TBR1: variants seen among roughly 807,000 people sequenced by gnomAD.
TBR1 encodes T-box brain transcription factor 1, also known as T-box brain protein 1.
In TBR1, 7 loss-of-function variants were observed where a neutral mutation model predicts 60.3. That is an observed-to-expected ratio of 0.12 (90% confidence interval 0.07 to 0.22). The LOEUF is 0.22. Among genes scored for constraint, TBR1 ranks in the 10% least tolerant of loss-of-function variants. The pLI is 1.00. For synonymous variants in TBR1, 417 were observed against 409.9 expected (o/e 1.02, Z -0.21); for missense variants, 616 against 936.8 (o/e 0.66, Z 4.47).
chr2:161,419,345 A>G (rs1684187701), intron 4 of TBR1: 2 of 278,340 alleles, frequency 7.2e-6, no homozygotes, highest in Non-Finnish European at 1.3e-5. Context: ...TGGGCTTTGA[A>G]CTAGAACAGA....
Position 161,423,513 on chromosome 2 carries a change from C to A in TBR1, c.1335C>A (p.Phe445Leu). 1 of 1,588,738 alleles carries A rather than the reference C, an allele frequency of 6.3e-7. No homozygotes were observed. The stretch of plus-strand genomic sequence containing the variant: ...TGAGCAACTACGCCAAGGCCCGCTT[C>A]CACCCGGGCGCGGGCGCGGGCCCCG... ...QFVSNYAKAR[F>L]HPGAGAGPGP... is the part of the protein sequence containing the mutation. The change falls in exon 6 of 6, where the codon TTC (phenylalanine) becomes TTA (leucine). Residue 445 changes from phenylalanine (F) to leucine (L), a missense_variant. Transcript: ENST00000389554.
At chr2:161,420,419 T>A in intron 5 of TBR1, 162 bp downstream of exon 5, 6 of 73,070 alleles carry the variant, frequency 8.2e-5, no homozygotes, top group East Asian at 6.8e-4. Flanking sequence ...CTTCCTCTTC[T>A]TTTTTTTTTT....
rs1684129134 is a variant in TBR1, at chr2:161,416,743, C to T, written c.333C>T (p.Ser111=). ...ATCGCTACCTCCTCTCTCAGTCCAG[C>T]CAGCCACAGTCTGCGGCCACTGCTC... is the stretch of plus-strand genomic sequence containing the variant. ...AADRYLLSQS[S]QPQSAATAPS... The change falls in exon 1 of 6, where the codon AGC becomes AGT. Residue 111 remains serine (S), a synonymous_variant. Transcript: ENST00000389554. The surrounding 1 kb of genome is among the most constrained non-coding windows in gnomAD (Gnocchi z 6.1). The T allele has an allele frequency of 6.2e-7, 1 of 1,614,160 alleles. No individual in the cohort carries two copies. Among genetic ancestry groups the T allele is most frequent in the Non-Finnish European group, 8.5e-7 (1 of 1,180,024 alleles).
chr2:161,418,118 G>C (rs1684163642), intron 2 of TBR1, 83 bp from the exon 3 acceptor site: 1 of 1,539,128 alleles, frequency 6.5e-7, no homozygotes, highest in Non-Finnish European at 8.7e-7. Context: ...GTGTGTGTGT[G>C]TGTGTGTGTG....
At position 161,423,647 on chromosome 2, in the gene TBR1, A is replaced by G. The variant is rs967651073; in HGVS notation, c.1469A>G (p.Asn490Ser). The G allele has an allele frequency of 5.8e-6, 9 of 1,542,218 alleles. No homozygotes were observed. The highest frequency in any genetic ancestry group is 7.8e-6 in the Non-Finnish European group (9 of 1,153,174). The change falls in exon 6 of 6, where the codon AAC (asparagine) becomes AGC (serine). Residue 490 changes from asparagine (N) to serine (S), a missense_variant. Physicochemically the swap from Asn to Ser is conservative, Grantham distance 46. Coordinates refer to ENST00000389554, the MANE Select transcript of TBR1 (RefSeq NM_006593.4). ...SPQRWFVTPA[N>S]NRLDFAASAY... ...CAACGCTGGTTTGTGACGCCGGCCA[A>G]CAACCGGCTGGACTTCGCGGCCTCG...
intron 5 of TBR1, 123 bp downstream of exon 5, chr2:161,420,380 C>A: frequency 2.5e-6 from 1 of 394,708 alleles, no homozygotes; most frequent in Non-Finnish European, 4.4e-6. Context: ...TTTTAGAGGA[C>A]TTCTTCTTCT....
chr2:161,416,312 T>G lies in TBR1; in HGVS notation c.-99T>G. 1 of 983,322 alleles carries G rather than the reference T, an allele frequency of 1.0e-6. No homozygotes were observed. The highest frequency in any genetic ancestry group is 1.5e-6 in the Non-Finnish European group (1 of 664,668). The allele number at this position is 983,322 out of a possible 1,614,324, so 60.9% of individuals were successfully genotyped here. A position where few individuals can be genotyped will look rare whatever the true frequency, so the allele number is the denominator to read the frequency against. On this transcript the variant is annotated 5_prime_UTR_variant, in exon 1 of 6. Transcript: ENST00000389554. This position sits in a 1 kb window ranked among gnomAD's most constrained non-coding sequence, Gnocchi z 6.1. Reference sequence around the variant, plus strand: ...TTTGAGAAGCATTTGCTGGTTGAAGTGCTTTCTGTCTAGTGAGGGGGTCTG... The same window carrying G: ...TTTGAGAAGCATTTGCTGGTTGAAGGGCTTTCTGTCTAGTGAGGGGGTCTG...
Position 161,418,979 on chromosome 2 carries a change from C to G in TBR1, c.1057C>G (p.Pro353Ala), listed in dbSNP as rs1462644743. 3.7e-6 allele frequency: 6 copies of G among 1,614,230 alleles called. No homozygotes were observed. The highest frequency in any genetic ancestry group is 5.1e-6 in the Non-Finnish European group (6 of 1,180,036). ...GGACGGCACGGAGGACACTAGCCAG[C>G]CCGGCCGCGTGCAGACGTTCACTTT... is the stretch of plus-strand genomic sequence containing the variant. ...NEDGTEDTSQ[P>A]GRVQTFTFPE... The change falls in exon 4 of 6, where the codon CCC (proline) becomes GCC (alanine). Residue 353 changes from proline to alanine, a missense_variant. Physicochemically the swap from Pro to Ala is conservative, Grantham distance 27. Around this residue, in one of 8 missense-constraint regions of TBR1, gnomAD observed 85 missense variants for 164.9 expected, o/e 0.52. Coordinates refer to ENST00000389554, the MANE Select transcript of TBR1 (RefSeq NM_006593.4).
chr2:161,422,523 G>T (rs1684248720), intron 5 of TBR1: 1 of 152,254 alleles, frequency 6.6e-6, no homozygotes, highest in African/African-American at 2.4e-5. Context: ...GTGGTCCATT[G>T]CATGGAGTAG....
chr2:161,418,357 C>A, intron 3 of TBR1, 35 bp downstream of exon 3: 1 of 1,601,794 alleles, frequency 6.2e-7, no homozygotes. Flanking sequence ...TTCTCTCTCT[C>A]TCACCCCTTC....
At position 161,417,155 on chromosome 2, in the gene TBR1, C is replaced by T; in HGVS notation, c.692+53C>T. The stretch of plus-strand genomic sequence containing the variant: ...CTCTAGGCGCAGCCGGGGACAAGTG[C>T]ACCTAGGCTGTGACTGCCGCGGCAG... On this transcript the variant is annotated intron_variant, in intron 1 of 5. Transcript: ENST00000389554. The surrounding 1 kb of genome is among the most constrained non-coding windows in gnomAD (Gnocchi z 5.3). 6.6e-7 allele frequency: 1 copy of T among 1,509,776 alleles called. No homozygotes were observed. Among genetic ancestry groups the T allele is most frequent in the Non-Finnish European group, 8.9e-7 (1 of 1,124,514 alleles). 93.5% of individuals were successfully genotyped at this position (1,509,776 alleles called of 1,614,324 possible).
Position 161,425,792 on chromosome 2 carries a change from C to T in TBR1, c.*1565C>T, listed in dbSNP as rs1248096936. ...TGAATAATTTATACAAGAACACACT[C>T]CATTGAGAAACGTTTTGTTTTTTGC... On this transcript the variant is annotated 3_prime_UTR_variant, in exon 6 of 6. Coordinates refer to ENST00000389554, the MANE Select transcript of TBR1 (RefSeq NM_006593.4). 1.3e-5 allele frequency: 2 copies of T among 152,154 alleles called. No individual in the cohort carries two copies. Among genetic ancestry groups the T allele is most frequent in the Non-Finnish European group, 2.9e-5 (2 of 68,040 alleles). 9.4% of individuals were successfully genotyped at this position (152,154 alleles called of 1,614,324 possible). A position where few individuals can be genotyped will look rare whatever the true frequency, so the allele number is the denominator to read the frequency against.
Position 161,417,026 on chromosome 2 carries a change from G to C in TBR1, c.616G>C (p.Val206Leu), listed in dbSNP as rs1316331942. 1 of 1,613,952 alleles carries C rather than the reference G, an allele frequency of 6.2e-7. No homozygotes were observed. The highest frequency in any genetic ancestry group is 1.1e-5 in the South Asian group (1 of 91,048). The change falls in exon 1 of 6, where the codon GTG (valine) becomes CTG (leucine). Residue 206 changes from valine to leucine, a missense_variant. Transcript: ENST00000389554. The surrounding 1 kb of genome is among the most constrained non-coding windows in gnomAD (Gnocchi z 5.3). ...QPGLVPGKAQ[V>L]YLCNRPLWLK... ...GGGGCTGGTGCCCGGCAAAGCACAGGTGTACCTGTGCAACAGGCCCCTTTG... is the reference window on the plus strand; with the variant it reads ...GGGGCTGGTGCCCGGCAAAGCACAGCTGTACCTGTGCAACAGGCCCCTTTG...
chr2:161,419,405 A>C (rs558137432), intron 4 of TBR1: 1 of 184,458 alleles, frequency 5.4e-6, no homozygotes, highest in South Asian at 1.3e-4. Flanking sequence ...GAAAACAAGC[A>C]GATTTCCCCG....
chr2:161,422,780 G>C (rs1000792087), intron 5 of TBR1: 1 of 152,210 alleles, frequency 6.6e-6, no homozygotes, highest in African/African-American at 2.4e-5. Context: ...TCCAGAACAC[G>C]GGTGAAGGCC....
chr2:161,420,418 CTTTTT>C (rs67826360), intron 5 of TBR1, 161 bp downstream of exon 5: 183 of 95,274 alleles, frequency 1.9e-3, no homozygotes, highest in South Asian at 6.0e-3. Flanking sequence ...TCTTCCTCTT[CTTTTT>C]TTTTTTTTTT....
intron 5 of TBR1, chr2:161,423,027 G>A (rs1188678171): frequency 8.6e-6 from 2 of 232,896 alleles, no homozygotes; most frequent in African/African-American, 4.5e-5. Context: ...ATATGTTGGA[G>A]AAGTGGGATG....
At position 161,416,727 on chromosome 2, in the gene TBR1, T is replaced by A. The variant is rs1252683619; in HGVS notation, c.317T>A (p.Leu106His). ...SFDGSAADRY[L>H]LSQSSQPQSA... ...GATGGCTCTGCTGCAGATCGCTACC[T>A]CCTCTCTCAGTCCAGCCAGCCACAG... The change falls in exon 1 of 6, where the codon CTC becomes CAC. Residue 106 changes from leucine (L) to histidine (H), a missense_variant. Coordinates refer to ENST00000389554, the MANE Select transcript of TBR1 (RefSeq NM_006593.4). The surrounding 1 kb of genome is among the most constrained non-coding windows in gnomAD (Gnocchi z 6.1). 1.2e-6 allele frequency: 2 copies of A among 1,613,982 alleles called. No homozygotes were observed. Among genetic ancestry groups the A allele is most frequent in the Non-Finnish European group, 8.5e-7 (1 of 1,179,974 alleles).
chr2:161,420,140 A>G, intron 4 of TBR1, 56 bp from the exon 5 acceptor site: 2 of 1,471,370 alleles, frequency 1.4e-6, no homozygotes, highest in Middle Eastern at 1.7e-4. Flanking sequence ...ATATTCTCAA[A>G]CACCCAGTCT....
Sources: gnomAD v4.1 joint callset for allele counts on GRCh38, gnomAD v4.1.1 for gene constraint, gnomAD v4.1.1 regional missense constraint, Gnocchi (gnomAD v3.1) non-coding constraint, MANE v1.5 for transcripts, NCBI Gene and HGNC (gene_info 2026-07-23, HGNC 2026-07-21) for gene names.